Variants in EML2 observed in about 807,000 individuals in gnomAD.
The protein encoded by EML2 is echinoderm microtubule-associated protein-like 2.
A neutral mutation model predicts 84.7 loss-of-function variants in EML2; 59 were observed. That is an observed-to-expected ratio of 0.70 (90% CI 0.56 to 0.86). The LOEUF (loss-of-function observed/expected upper bound fraction) is 0.86. Ranked by LOEUF, EML2 falls within the 40% of genes least tolerant of loss-of-function variation. EML2 has a pLI of 0.00. For missense variants in EML2, 818 were observed against 855.6 expected (o/e 0.96, Z 0.55); for synonymous variants, 352 against 348.9 (o/e 1.01, Z -0.10).
Position 45,632,941 on chromosome 19 carries a change from A to G in EML2, c.430T>C (p.Ser144Pro). The change falls in exon 6 of 19, where the codon TCA (serine) becomes CCA (proline). Residue 144 changes from serine to proline, a missense_variant. By Grantham distance (74) the Ser-to-Pro change is moderately conservative. Coordinates refer to ENST00000245925, the MANE Select transcript of EML2 (RefSeq NM_012155.4). ...ACGTGTAAGGTGGAGAGGGAAACTG[A>G]GTCCCAGATGCGCACGTGGGGCGGC... ...PLPPHVRIWD[S>P]VSLSTLHVLG... 1 of 1,614,220 alleles carries G rather than the reference A, an allele frequency of 6.2e-7. No individual in the cohort carries two copies. Among genetic ancestry groups the G allele is most frequent in the Non-Finnish European group, 8.5e-7 (1 of 1,180,028 alleles).
intron 8 of EML2, 95 bp downstream of exon 8, chr19:45,626,610 A>G: frequency 3.5e-6 from 5 of 1,430,940 alleles, no homozygotes; most frequent in Non-Finnish European, 2.8e-6. Context: ...GTAATCCCAA[A>G]CCCCTGCCAC....
At chr19:45,615,289 G>A (rs377764181) in intron 16 of EML2, among the ~76,000 whole-genome samples, 10 of 151,080 alleles carry the variant, frequency 6.6e-5, no homozygotes, top group Non-Finnish European at 1.0e-4. Flanking sequence ...GCAGTGAGCC[G>A]ACATCGTGCC....
chr19:45,613,705 C>T, intron 17 of EML2, 34 bp from the exon 18 acceptor site: 1 of 1,600,688 alleles, frequency 6.2e-7, no homozygotes, highest in Non-Finnish European at 8.5e-7. Flanking sequence ...GGTAAGATGT[C>T]AGCTGGAGCC....
chr19:45,628,317 G>A (rs1023284167), intron 7 of EML2, among the ~76,000 whole-genome samples: 38 of 150,484 alleles, frequency 2.5e-4, no homozygotes, highest in African/African-American at 8.1e-4. Flanking sequence ...GCAGTGAGCC[G>A]AGATCATGCC....
intron 6 of EML2, among the ~76,000 whole-genome samples, chr19:45,632,286 C>G (rs1973146236): frequency 6.6e-6 from 1 of 151,612 alleles, no homozygotes; most frequent in African/African-American, 2.4e-5. Flanking sequence ...CTCCCGGGTT[C>G]AAGCGATTCT....
chr19:45,643,830 TGCAGA>T, upstream of EML2: 3 of 1,378,540 alleles, frequency 2.2e-6, no homozygotes, highest in Non-Finnish European at 2.9e-6. Context: ...TGCCTGGACC[TGCAGA>T]GGGAGGTGGG....
chr19:45,633,523 G>C (rs1260056689), intron 4 of EML2, among the ~76,000 whole-genome samples: 5 of 151,592 alleles, frequency 3.3e-5, no homozygotes, highest in African/African-American at 4.8e-5. Flanking sequence ...CGGATCACCA[G>C]AGGTCAGGAG....
At chr19:45,627,868 C>T (rs1972557735) in intron 7 of EML2, among the ~76,000 whole-genome samples, 1 of 151,836 alleles carries the variant, frequency 6.6e-6, no homozygotes, top group Non-Finnish European at 1.5e-5. Flanking sequence ...TCGAGGCCAG[C>T]CTAACCAACA....
At chr19:45,635,646 G>A (rs1304745569) in intron 3 of EML2, among the ~76,000 whole-genome samples, 1 of 138,574 alleles carries the variant, frequency 7.2e-6, no homozygotes, top group South Asian at 2.3e-4. Flanking sequence ...AGGCTGGAGT[G>A]CAATGGTGTG....
chr19:45,614,187 T>G lies in EML2; in HGVS notation c.1693+418A>C, dbSNP rs1471409527. 2.6e-4 allele frequency among the ~76,000 whole-genome samples: 39 copies of G among 152,178 alleles called. 1 individual carries two copies. Among genetic ancestry groups the G allele is most frequent in the Admixed American group, 2.6e-3 (39 of 15,262 alleles). ...CCAGATGCCCCACCCTGGGTTTCCC[T>G]GTCTCAGACCTGCTCACTCTGGGTC... On this transcript the variant is annotated intron_variant, in intron 17 of 18. Transcript: ENST00000245925.
intron 9 of EML2, among the ~76,000 whole-genome samples, chr19:45,621,998 C>T (rs765559955): frequency 1.3e-5 from 2 of 152,146 alleles, no homozygotes; most frequent in Non-Finnish European, 2.9e-5. Flanking sequence ...CCGCCTTGGC[C>T]TCCCTAAGTG....
rs750849410 is a variant in EML2, at chr19:45,613,589, A to T, written c.1776T>A (p.Asp592Glu). Residue 592 changes from aspartate to glutamate, a missense_variant, in exon 18 of 19, where the codon GAT becomes GAA. Physicochemically the swap from Asp to Glu is conservative, Grantham distance 45 (BLOSUM62 2). Coordinates refer to ENST00000245925, the MANE Select transcript of EML2 (RefSeq NM_012155.4). The part of the protein sequence containing the change: ...SHDGKLLASA[D>E]DFGKVHLFSY... The stretch of plus-strand genomic sequence containing the variant: ...TAAACAGGTGAACTTTGCCAAAGTC[A>T]TCAGCTGAAGCCAGCAACTTCCCAT... 1.9e-6 allele frequency: 3 copies of T among 1,614,144 alleles called. No individual in the cohort carries two copies. The highest frequency in any genetic ancestry group is 8.5e-7 in the Non-Finnish European group (1 of 1,180,026).
At chr19:45,642,555 C>A, upstream of EML2, 2 of 1,381,658 alleles carry the variant, frequency 1.4e-6, no homozygotes, top group Non-Finnish European at 1.9e-6. Flanking sequence ...AACCCATCCG[C>A]ACACTCCTCT....
upstream of EML2, chr19:45,643,498 C>A (rs994997320): frequency 2.6e-6 from 4 of 1,527,338 alleles, no homozygotes; most frequent in Non-Finnish European, 8.8e-7. Flanking sequence ...GTCGCCCCCC[C>A]AACCCCGCTC....
intron 7 of EML2, chr19:45,628,896 C>T (rs944698126): frequency 2.0e-5 from 3 of 151,956 alleles, no homozygotes; most frequent in African/African-American, 7.3e-5. Flanking sequence ...GGTTTCCTTC[C>T]CCTAGCCCAG....
chr19:45,642,630 G>C (rs966835966), upstream of EML2: 6 of 907,120 alleles, frequency 6.6e-6, no homozygotes, highest in Non-Finnish European at 8.7e-6. Context: ...CTAAGAGTCT[G>C]TGAACCCAGG....
intron 18 of EML2, among the ~76,000 whole-genome samples, chr19:45,612,504 T>C (rs1371580695): frequency 6.6e-6 from 1 of 151,950 alleles, no homozygotes; most frequent in Non-Finnish European, 1.5e-5. Context: ...AGAGAACCTA[T>C]CTCTATGAAA....
chr19:45,613,841 G>C (rs1448313360), intron 17 of EML2, among the ~76,000 whole-genome samples, 170 bp from the exon 18 acceptor site: 1 of 152,066 alleles, frequency 6.6e-6, no homozygotes, highest in East Asian at 1.9e-4. Context: ...CCCCTGCTCT[G>C]CTTAAAACCC....
intron 1 of EML2, 111 bp downstream of exon 1, chr19:45,639,246 G>T: frequency 9.0e-7 from 1 of 1,109,376 alleles, no homozygotes. Context: ...GAGTTTAAGG[G>T]AAGGGGCGTG....
Sources: gnomAD v4.1 joint callset for allele counts (sites outside exome capture counted in the v4.1 genomes callset) on GRCh38, gnomAD v4.1.1 for gene constraint, MANE v1.5 for transcripts, NCBI Gene and HGNC (gene_info 2026-07-23, HGNC 2026-07-21) for gene names.